The following ARB2A variants were observed in gnomAD, a reference collection of about 807,000 sequenced individuals.
The protein encoded by ARB2A is cotranscriptional regulator ARB2A.
At chr5:93,838,559 A>T in the ARB2A span, among the ~76,000 whole-genome samples, 1 of 151,376 alleles carries the variant, frequency 6.6e-6, no homozygotes, top group Non-Finnish European at 1.5e-5. Flanking sequence ...AAAAAAAAAA[A>T]GGTTTTCTAA....
chr5:94,017,994 C>T, the ARB2A span, among the ~76,000 whole-genome samples: 2 of 152,160 alleles, frequency 1.3e-5, no homozygotes, highest in Non-Finnish European at 2.9e-5. Context: ...TCCGCTTTTG[C>T]TTCTTCCTCA....
chr5:93,936,550 A>C, the ARB2A span, among the ~76,000 whole-genome samples: 1 of 152,186 alleles, frequency 6.6e-6, no homozygotes, highest in African/African-American at 2.4e-5. Context: ...TCAGCGGTAA[A>C]AATTAATTTG....
the ARB2A span, chr5:94,050,822 A>C: frequency 1.2e-6 from 2 of 1,607,810 alleles, no homozygotes; most frequent in Non-Finnish European, 1.7e-6. Flanking sequence ...TATGTGTCTT[A>C]ACTGTCCCTC....
chr5:93,853,658 T>G, the ARB2A span, among the ~76,000 whole-genome samples: 4 of 152,242 alleles, frequency 2.6e-5, no homozygotes, highest in Non-Finnish European at 1.5e-5. Flanking sequence ...TTGAGAGTTT[T>G]TAGCATGAAG....
chr5:94,034,834 G>A, the ARB2A span, among the ~76,000 whole-genome samples: 1 of 152,308 alleles, frequency 6.6e-6, no homozygotes, highest in East Asian at 1.9e-4. Context: ...GTGAGCACCA[G>A]GTGAGGGAGC....
the ARB2A span, among the ~76,000 whole-genome samples, chr5:93,672,462 AC>A: frequency 6.6e-6 from 1 of 151,944 alleles, no homozygotes; most frequent in Non-Finnish European, 1.5e-5. Context: ...GGCACTCACC[AC>A]CACACCCAGC....
At chr5:93,916,661 T>G in the ARB2A span, among the ~76,000 whole-genome samples, 26 of 152,136 alleles carry the variant, frequency 1.7e-4, no homozygotes, top group Non-Finnish European at 2.9e-5. Context: ...ATAGCTTATG[T>G]AAATTATTAG....
At chr5:93,733,021 A>C in the ARB2A span, among the ~76,000 whole-genome samples, 2 of 152,168 alleles carry the variant, frequency 1.3e-5, no homozygotes, top group Admixed American at 6.5e-5. Context: ...ACTTTCTATC[A>C]AAACTGTGGT....
chr5:93,673,390 T>TC, the ARB2A span, among the ~76,000 whole-genome samples: 56 of 152,264 alleles, frequency 3.7e-4, no homozygotes, highest in Middle Eastern at 0.024. Flanking sequence ...TCTTTTTTTT[T>TC]TCTCTCTCTT....
the ARB2A span, among the ~76,000 whole-genome samples, chr5:94,028,563 T>C: frequency 6.6e-6 from 1 of 152,194 alleles, no homozygotes; most frequent in African/African-American, 2.4e-5. Flanking sequence ...TAAACTATCC[T>C]CACTCACATA....
At chr5:94,056,985 A>G in the ARB2A span, among the ~76,000 whole-genome samples, 1 of 152,216 alleles carries the variant, frequency 6.6e-6, no homozygotes, top group East Asian at 1.9e-4. Context: ...GTGTGCACAG[A>G]GCAACAACGC....
the ARB2A span, chr5:93,733,117 G>A: frequency 2.7e-5 from 4 of 150,122 alleles, no homozygotes; most frequent in Non-Finnish European, 5.9e-5. Context: ...CTAATTTTTT[G>A]TTGTTAAACT....
the ARB2A span, among the ~76,000 whole-genome samples, chr5:94,042,606 C>T: frequency 3.9e-5 from 6 of 152,214 alleles, no homozygotes; most frequent in East Asian, 1.2e-3. Context: ...CGCCCAGCCA[C>T]AAAAGATCTG....
At chr5:94,057,358 A>G in the ARB2A span, among the ~76,000 whole-genome samples, 1 of 152,216 alleles carries the variant, frequency 6.6e-6, no homozygotes, top group Non-Finnish European at 1.5e-5. Flanking sequence ...GACAGAAAGT[A>G]GAACGGTGGT....
the ARB2A span, among the ~76,000 whole-genome samples, chr5:93,853,192 C>G: frequency 3.3e-5 from 5 of 151,954 alleles, no homozygotes; most frequent in Admixed American, 6.6e-5. Context: ...AAGTTGGATT[C>G]CTAGGTATTT....
chr5:94,050,404 G>A, the ARB2A span, among the ~76,000 whole-genome samples: 5 of 151,884 alleles, frequency 3.3e-5, no homozygotes, highest in African/African-American at 1.2e-4. Context: ...ACACGCGCAT[G>A]CAACCACACC....
chr5:93,912,335 T>C, the ARB2A span, among the ~76,000 whole-genome samples: 2 of 151,968 alleles, frequency 1.3e-5, no homozygotes, highest in Middle Eastern at 3.4e-3. Context: ...ACTGTGAATA[T>C]CTTTGTATTT....
the ARB2A span, among the ~76,000 whole-genome samples, chr5:93,762,246 C>A: frequency 6.6e-6 from 1 of 152,052 alleles, no homozygotes; most frequent in East Asian, 1.9e-4. Context: ...GACGATCAAA[C>A]TACTCTGAGC....
At chr5:93,788,586 G>A in the ARB2A span, among the ~76,000 whole-genome samples, 1 of 152,078 alleles carries the variant, frequency 6.6e-6, no homozygotes, top group African/African-American at 2.4e-5. Flanking sequence ...TTTCCTTTTT[G>A]TGCTTAAAAA....
Sources: gnomAD v4.1 joint callset for allele counts (sites outside exome capture counted in the v4.1 genomes callset) on GRCh38, gnomAD v4.1.1 for gene constraint, MANE v1.5 for transcripts, NCBI Gene and HGNC (gene_info 2026-07-23, HGNC 2026-07-21) for gene names.